Variants in SPIDR observed in about 807,000 individuals in gnomAD.
SPIDR encodes the protein scaffold protein involved in DNA repair, also known as DNA repair-scaffolding protein.
In SPIDR, 93 loss-of-function variants were observed where a neutral mutation model predicts 104.6. The ratio of observed to expected loss-of-function variants is 0.89; its 90% CI spans 0.75 to 1.06. The LOEUF (loss-of-function observed/expected upper bound fraction) is 1.06, where lower values mean the gene tolerates loss of function less well. Ranked by LOEUF, SPIDR falls within the 50% of genes least tolerant of loss-of-function variation. The pLI is 0.00. For missense variants in SPIDR, 1,154 were observed against 1,111.2 expected (o/e 1.04, Z -0.55); for synonymous variants, 431 against 416.9 (o/e 1.03, Z -0.41).
chr8:47,578,322 A>G (rs1163314941), intron 8 of SPIDR, among the ~76,000 whole-genome samples: 1 of 152,088 alleles, frequency 6.6e-6, no homozygotes, highest in Non-Finnish European at 1.5e-5. Context: ...AATACAAAAA[A>G]TTAGCCGGGC....
At chr8:47,603,627 A>C (rs2062576923) in intron 10 of SPIDR, among the ~76,000 whole-genome samples, 1 of 150,954 alleles carries the variant, frequency 6.6e-6, no homozygotes, top group Admixed American at 6.6e-5. Flanking sequence ...CAAACTTGTA[A>C]CCTCAAGCAA....
At chr8:47,300,418 AT>A (rs1173808700) in intron 5 of SPIDR, among the ~76,000 whole-genome samples, 1 of 151,892 alleles carries the variant, frequency 6.6e-6, no homozygotes, top group Non-Finnish European at 1.5e-5. Context: ...GGATTCATTG[AT>A]TTTTTTGAAG....
chr8:47,500,662 C>CATT (rs1173396358), intron 8 of SPIDR, among the ~76,000 whole-genome samples: 2 of 152,162 alleles, frequency 1.3e-5, no homozygotes, highest in Non-Finnish European at 2.9e-5. Context: ...TCCCATTTGT[C>CATT]AGTTTTGGCT....
chr8:47,731,923 C>T (rs1182632883), intron 19 of SPIDR, among the ~76,000 whole-genome samples: 3 of 152,228 alleles, frequency 2.0e-5, no homozygotes, highest in South Asian at 2.1e-4. Flanking sequence ...TGTTTGAGAA[C>T]GCATGATAAA....
At chr8:47,325,061 C>CTTA (rs1250721198) in intron 5 of SPIDR, among the ~76,000 whole-genome samples, 4 of 152,082 alleles carry the variant, frequency 2.6e-5, no homozygotes, top group African/African-American at 7.2e-5. Context: ...ATTTAAAGAC[C>CTTA]TTATCTCTAA....
intron 11 of SPIDR, among the ~76,000 whole-genome samples, chr8:47,684,759 T>C (rs2077529451): frequency 6.6e-6 from 1 of 152,210 alleles, no homozygotes; most frequent in Non-Finnish European, 1.5e-5. Flanking sequence ...AAATCAGAAG[T>C]AATTTAGAAA....
chr8:47,495,633 T>G (rs1489269332), intron 8 of SPIDR, among the ~76,000 whole-genome samples: 1 of 152,146 alleles, frequency 6.6e-6, no homozygotes, highest in Non-Finnish European at 1.5e-5. Flanking sequence ...TTCAAATATT[T>G]GCTCCAATTT....
chr8:47,401,583 A>T (rs1563858016), intron 6 of SPIDR, among the ~76,000 whole-genome samples: 1 of 152,182 alleles, frequency 6.6e-6, no homozygotes, highest in Non-Finnish European at 1.5e-5. Flanking sequence ...GTATTCAGGA[A>T]ACCCATCTCA....
chr8:47,558,982 C>A (rs1242423405), intron 8 of SPIDR, among the ~76,000 whole-genome samples: 9 of 152,132 alleles, frequency 5.9e-5, no homozygotes. Context: ...CCAAATTAAC[C>A]ATGTAACAAG....
rs879898929 is a variant in SPIDR, at chr8:47,606,363, C to CA, written c.1544+7180dup. Reference sequence around the variant, plus strand: ...TGAAACCCCGTCTTTACTAAAAATACAAAAAAAAAAAAATTAGCTGGGCGT... The same window carrying CA: ...TGAAACCCCGTCTTTACTAAAAATACAAAAAAAAAAAAAATTAGCTGGGCGT... On this transcript the variant is annotated intron_variant, in intron 10 of 19. Transcript: ENST00000297423. Among the ~76,000 whole-genome samples, 876 of 138,110 alleles carry CA rather than the reference C, an allele frequency of 6.3e-3. 24 individuals are homozygous for CA. The highest frequency in any genetic ancestry group is 0.047 in the Admixed American group (653 of 13,842). The allele number at this position is 138,110 out of a possible 152,430, so 90.6% of individuals were successfully genotyped here.
chr8:47,289,041 AC>A (rs2039410012), intron 3 of SPIDR, among the ~76,000 whole-genome samples: 1 of 151,966 alleles, frequency 6.6e-6, no homozygotes, highest in South Asian at 2.1e-4. Context: ...ATGGGATCTT[AC>A]CCTGTCACTC....
rs2061167594 is a variant in SPIDR, at chr8:47,592,621, C to T, written c.1098-3190C>T. 6 of 1,136,962 alleles carry T rather than the reference C, an allele frequency of 5.3e-6. No individual in the cohort carries two copies. In the Admixed American group the frequency reaches 7.9e-5, roughly 15 times the overall value. The allele number at this position is 1,136,962 out of a possible 1,614,324, so 70.4% of individuals were successfully genotyped here. On this transcript the variant is annotated intron_variant, in intron 8 of 19. Coordinates refer to ENST00000297423, the MANE Select transcript of SPIDR (RefSeq NM_001080394.4). ...GCAGCCCTGCCATCTTATCAGAACC[C>T]GAGTTCGGCCTCTGGTCTAGTCTCC...
chr8:47,519,123 T>TTTGTTGTTG lies in SPIDR; in HGVS notation c.1098-76661_1098-76653dup, dbSNP rs371410579. ...ACAGTTCTCTGACCTGGCTATGTGTTTTGTTGTTGTTGTTGTTGTTGTTGT... is the reference window on the plus strand; with the variant it reads ...ACAGTTCTCTGACCTGGCTATGTGTTTTGTTGTTGTTGTTGTTGTTGTTGTTGTTGTTGT... On this transcript the variant is annotated intron_variant, in intron 8 of 19. Transcript: ENST00000297423. Among the ~76,000 whole-genome samples, 45 of 151,098 alleles carry TTTGTTGTTG rather than the reference T, an allele frequency of 3.0e-4. No individual in the cohort carries two copies. In the East Asian group the frequency reaches 3.3e-3, roughly 11 times the overall value.
At chr8:47,698,713 GA>G (rs2079694914) in intron 11 of SPIDR, among the ~76,000 whole-genome samples, 1 of 152,172 alleles carries the variant, frequency 6.6e-6, no homozygotes. Context: ...AGTTTCTCAG[GA>G]CATTATTAGT....
At chr8:47,610,681 A>C (rs1015540229) in intron 10 of SPIDR, among the ~76,000 whole-genome samples, 5 of 152,168 alleles carry the variant, frequency 3.3e-5, no homozygotes, top group African/African-American at 1.2e-4. Context: ...CTCCACAGGG[A>C]ACTGGAGCAA....
intron 10 of SPIDR, among the ~76,000 whole-genome samples, chr8:47,624,304 CCCTAACATCACAAT>C (rs2065650845): frequency 6.6e-6 from 1 of 152,120 alleles, no homozygotes; most frequent in African/African-American, 2.4e-5. Flanking sequence ...AAAATTGACA[CCCTAACATCACAAT>C]TAAAAGAACT....
chr8:47,440,522 T>C lies in SPIDR; in HGVS notation c.1077T>C (p.Thr359=). 1 of 1,614,062 alleles carries C rather than the reference T, an allele frequency of 6.2e-7. No homozygotes were observed. Among genetic ancestry groups the C allele is most frequent in the Non-Finnish European group, 8.5e-7 (1 of 1,179,920 alleles). ...ACCTCAGGGGCCGTCCCCAGGACAC[T>C]GTCCGGATCTTCCCTCCCTGGTGAG... is the stretch of plus-strand genomic sequence containing the variant. ...AGYLRGRPQD[T]VRIFPPWQKL... is the part of the protein sequence containing the mutation. Residue 359 remains threonine (T), a synonymous_variant, in exon 8 of 20, where the codon ACT becomes ACC. Transcript: ENST00000297423.
At chr8:47,505,737 A>G (rs1165023496) in intron 8 of SPIDR, among the ~76,000 whole-genome samples, 3 of 152,152 alleles carry the variant, frequency 2.0e-5, no homozygotes, top group African/African-American at 4.8e-5. Flanking sequence ...AGCTGTTCCT[A>G]TTCGGTACAG....
At chr8:47,502,596 T>C (rs1348017748) in intron 8 of SPIDR, among the ~76,000 whole-genome samples, 1 of 152,208 alleles carries the variant, frequency 6.6e-6, no homozygotes, top group African/African-American at 2.4e-5. Flanking sequence ...AGCTCCTGGA[T>C]TCATTGATTT....
Sources: gnomAD v4.1 joint callset for allele counts (sites outside exome capture counted in the v4.1 genomes callset) on GRCh38, gnomAD v4.1.1 for gene constraint, MANE v1.5 for transcripts, NCBI Gene and HGNC (gene_info 2026-07-23, HGNC 2026-07-21) for gene names.